The following MARCHF10 variants were observed in gnomAD, a reference collection of about 807,000 sequenced individuals.
MARCHF10 encodes the protein membrane associated ring-CH-type finger 10.
Under a neutral mutation model 76.2 loss-of-function variants are expected in MARCHF10, and 64 were observed. The ratio of observed to expected loss-of-function variants is 0.84; its 90% CI spans 0.69 to 1.03. MARCHF10 has a LOEUF of 1.03. MARCHF10 is among the 50% of genes least tolerant of loss of function. The pLI is 0.00. For synonymous variants in MARCHF10, 340 were observed against 357.5 expected, an observed-to-expected ratio of 0.95 and a Z score of 0.55; for missense variants, 875 against 958.0, an observed-to-expected ratio of 0.91 and a Z score of 1.14.
intron 6 of MARCHF10, among the ~76,000 whole-genome samples, chr17:62,734,601 T>TA: frequency 6.6e-6 from 1 of 152,354 alleles, no homozygotes; most frequent in East Asian, 1.9e-4. Flanking sequence ...TGCATTTATA[T>TA]GCAAAGATAA....
intron 2 of MARCHF10, among the ~76,000 whole-genome samples, chr17:62,796,985 C>A (rs988833767): frequency 6.6e-6 from 1 of 151,920 alleles, no homozygotes; most frequent in Non-Finnish European, 1.5e-5. Flanking sequence ...CACTGCACCC[C>A]CACCTGGACA....
intron 3 of MARCHF10, among the ~76,000 whole-genome samples, chr17:62,763,814 T>TC (rs2092266435): frequency 6.6e-6 from 1 of 152,236 alleles, no homozygotes; most frequent in African/African-American, 2.4e-5. Flanking sequence ...CAAAGCCATG[T>TC]TAACTAAAAT....
chr17:62,765,305 T>C (rs540225467), intron 3 of MARCHF10, among the ~76,000 whole-genome samples: 3 of 143,950 alleles, frequency 2.1e-5, no homozygotes, highest in African/African-American at 7.9e-5. Flanking sequence ...TGAGCTGAGA[T>C]TGTGCCACTG....
chr17:62,705,615 T>TTTTTCCAATACGATTTTCCAATACGA (rs761528236), intron 9 of MARCHF10, 34 bp from the exon 10 acceptor site: 18 of 1,612,830 alleles, frequency 1.1e-5, no homozygotes, highest in Non-Finnish European at 2.5e-6. Context: ...AATGAATTGT[T>TTTTTCCAATACGATTTTCCAATACGA]TTTTCCAATA....
intron 10 of MARCHF10, among the ~76,000 whole-genome samples, chr17:62,704,195 C>A (rs1052394008): frequency 6.6e-6 from 1 of 151,446 alleles, no homozygotes; most frequent in Non-Finnish European, 1.5e-5. Context: ...CTGGGACGCG[C>A]GGGGCGGGCG....
intron 4 of MARCHF10, among the ~76,000 whole-genome samples, chr17:62,758,021 G>A (rs1220875400): frequency 3.3e-5 from 5 of 152,128 alleles, no homozygotes; most frequent in Admixed American, 6.6e-5. Flanking sequence ...TTTTCTCCAC[G>A]ATGACAAGGC....
chr17:62,708,243 C>CT (rs60147578), intron 9 of MARCHF10, among the ~76,000 whole-genome samples: 55,414 of 144,482 alleles, frequency 0.38, 10,570 homozygotes, highest in African/African-American at 0.41. Flanking sequence ...AAAGTAGGTT[C>CT]TTTTTTTTTT....
chr17:62,758,635 A>G (rs1054504279), intron 4 of MARCHF10, among the ~76,000 whole-genome samples: 1 of 152,232 alleles, frequency 6.6e-6, no homozygotes, highest in Non-Finnish European at 1.5e-5. Flanking sequence ...TCAGAAGTCA[A>G]TTTGGTTTTG....
At chr17:62,795,382 A>G (rs9893305) in intron 2 of MARCHF10, among the ~76,000 whole-genome samples, 59,587 of 111,490 alleles carry the variant, frequency 0.53, 14,796 homozygotes, top group East Asian at 0.65. Flanking sequence ...AAAAAAAAAA[A>G]AAGAAGCTAG....
At chr17:62,760,617 A>C (rs915067286) in intron 3 of MARCHF10, among the ~76,000 whole-genome samples, 2 of 152,254 alleles carry the variant, frequency 1.3e-5, no homozygotes, top group Admixed American at 1.3e-4. Flanking sequence ...CAACACAGCC[A>C]TGCCGACGCA....
chr17:62,787,319 G>A (rs1190948602), intron 3 of MARCHF10, among the ~76,000 whole-genome samples: 1 of 151,926 alleles, frequency 6.6e-6, no homozygotes, highest in East Asian at 1.9e-4. Flanking sequence ...ACCACAGTGT[G>A]AACATCCTAG....
At chr17:62,798,674 G>A (rs189468494) in intron 2 of MARCHF10, among the ~76,000 whole-genome samples, 2 of 152,164 alleles carry the variant, frequency 1.3e-5, no homozygotes, top group Non-Finnish European at 2.9e-5. Flanking sequence ...GGAGCTGGCT[G>A]TTTGGGGACA....
intron 2 of MARCHF10, among the ~76,000 whole-genome samples, chr17:62,790,080 C>T (rs762483580): frequency 2.0e-5 from 3 of 151,996 alleles, no homozygotes; most frequent in Non-Finnish European, 4.4e-5. Context: ...AATCTGGTAC[C>T]AAAATATTTC....
intron 1 of MARCHF10, among the ~76,000 whole-genome samples, chr17:62,803,126 A>G (rs1043126219): frequency 6.6e-6 from 1 of 152,048 alleles, no homozygotes; most frequent in Non-Finnish European, 1.5e-5. Flanking sequence ...TTCTATTTAA[A>G]AGAAAATTGA....
intron 2 of MARCHF10, 70 bp downstream of exon 2, chr17:62,801,576 T>C (rs1316317259): frequency 3.7e-6 from 5 of 1,341,898 alleles, no homozygotes; most frequent in Non-Finnish European, 5.3e-6. Flanking sequence ...CATACGTTGA[T>C]GCTGTATTCT....
chr17:62,760,840 G>A (rs1472008599), intron 3 of MARCHF10, among the ~76,000 whole-genome samples: 1 of 152,218 alleles, frequency 6.6e-6, no homozygotes, highest in Non-Finnish European at 1.5e-5. Flanking sequence ...GACCCTGGGG[G>A]GTCGTTGCGG....
intron 1 of MARCHF10, among the ~76,000 whole-genome samples, chr17:62,802,099 C>T (rs142431092): frequency 6.6e-6 from 1 of 152,360 alleles, no homozygotes. Flanking sequence ...ACCAAAGTTA[C>T]AGGCCCCTGG....
intron 3 of MARCHF10, among the ~76,000 whole-genome samples, chr17:62,760,765 G>A (rs1472117607): frequency 6.6e-6 from 1 of 152,248 alleles, no homozygotes; most frequent in Non-Finnish European, 1.5e-5. Flanking sequence ...TTAGGTCCTG[G>A]TGTTGGTATG....
intron 5 of MARCHF10, among the ~76,000 whole-genome samples, chr17:62,739,609 G>A (rs902421882): frequency 2.4e-4 from 37 of 152,000 alleles, no homozygotes; most frequent in African/African-American, 8.7e-4. Flanking sequence ...TCCAACTCCC[G>A]ACCTCAAGTG....
Sources: gnomAD v4.1 joint callset for allele counts (sites outside exome capture counted in the v4.1 genomes callset) on GRCh38, gnomAD v4.1.1 for gene constraint, MANE v1.5 for transcripts, NCBI Gene and HGNC (gene_info 2026-07-23, HGNC 2026-07-21) for gene names.